DLGAP2: variants seen among roughly 807,000 people sequenced by gnomAD.
DLGAP2 encodes the protein DLG associated protein 2.
In DLGAP2, 26 loss-of-function variants were observed where a neutral mutation model predicts 100.3. The ratio of observed to expected loss-of-function variants is 0.26; its 90% CI spans 0.19 to 0.36. The LOEUF is 0.36. Among genes scored for constraint, DLGAP2 ranks in the 10% least tolerant of loss-of-function variants. DLGAP2 has a pLI of 1.00. For synonymous variants in DLGAP2, 886 were observed against 630.1 expected, an observed-to-expected ratio of 1.41 and a Z score of -6.08; for missense variants, 1,858 against 1,453.2, an observed-to-expected ratio of 1.28 and a Z score of -4.53.
chr8:1,460,285 C>T (rs1269817569), intron 3 of DLGAP2, among the ~76,000 whole-genome samples: 1 of 152,220 alleles, frequency 6.6e-6, no homozygotes, highest in Non-Finnish European at 1.5e-5. Context: ...TATGATCGAA[C>T]TTGTGTCTTA....
intron 1 of DLGAP2, among the ~76,000 whole-genome samples, chr8:759,845 ATAAAT>A (rs1425697216): frequency 2.0e-5 from 3 of 152,132 alleles, no homozygotes; most frequent in African/African-American, 7.2e-5. Flanking sequence ...ACTTTAAACG[ATAAAT>A]TGCACCTTAA....
intron 2 of DLGAP2, among the ~76,000 whole-genome samples, chr8:1,048,436 C>T (rs73180673): frequency 0.079 from 12,061 of 152,020 alleles, 649 homozygotes; most frequent in Middle Eastern, 0.17. Context: ...ACCGGGTGTT[C>T]ACAGGTAGCG....
chr8:1,515,956 C>A (rs1464299562), intron 4 of DLGAP2, among the ~76,000 whole-genome samples: 1 of 151,922 alleles, frequency 6.6e-6, no homozygotes, highest in African/African-American at 2.4e-5. Context: ...AGGGAATGAT[C>A]GAGTGAGTGA....
At chr8:1,193,511 G>A (rs73539297) in intron 2 of DLGAP2, among the ~76,000 whole-genome samples, 6,191 of 152,152 alleles carry the variant, frequency 0.041, 413 homozygotes, top group African/African-American at 0.14. Context: ...AGCACCATGC[G>A]TTCAGGGCTC....
intron 6 of DLGAP2, among the ~76,000 whole-genome samples, chr8:1,592,442 G>C (rs1294892769): frequency 6.6e-6 from 1 of 151,916 alleles, no homozygotes; most frequent in Non-Finnish European, 1.5e-5. Flanking sequence ...TGCTTGGAAA[G>C]GGCTCCCTGA....
At chr8:1,661,259 A>C (rs1489917391) in intron 8 of DLGAP2, among the ~76,000 whole-genome samples, 2 of 152,162 alleles carry the variant, frequency 1.3e-5, no homozygotes, top group South Asian at 2.1e-4. Context: ...GCTGCGCCTC[A>C]TGGTGGTGGG....
chr8:901,135 T>G (rs1416732364), intron 1 of DLGAP2, among the ~76,000 whole-genome samples: 1 of 152,154 alleles, frequency 6.6e-6, no homozygotes. Flanking sequence ...AATTGTTTTT[T>G]AATTAGCTGG....
chr8:1,194,691 C>T (rs1341855073), intron 2 of DLGAP2, among the ~76,000 whole-genome samples: 1 of 152,216 alleles, frequency 6.6e-6, no homozygotes, highest in Non-Finnish European at 1.5e-5. Context: ...CAGGGTCGTC[C>T]CGGAGCTGCT....
intron 2 of DLGAP2, among the ~76,000 whole-genome samples, chr8:990,087 G>C (rs1563131435): frequency 6.6e-6 from 1 of 152,056 alleles, no homozygotes; most frequent in South Asian, 2.1e-4. Context: ...TTTCATGAAA[G>C]GGGTCATCTA....
At chr8:1,417,877 A>G (rs1376434492) in intron 3 of DLGAP2, among the ~76,000 whole-genome samples, 1 of 152,228 alleles carries the variant, frequency 6.6e-6, no homozygotes, top group African/African-American at 2.4e-5. Flanking sequence ...AGTTCACAAC[A>G]CAAAAGTGCA....
In DLGAP2 at chr8:1,109,958, G is replaced by A. The variant is rs1197849170; in HGVS notation, c.74-148893G>A. On this transcript the variant is annotated intron_variant, in intron 2 of 14. Coordinates refer to ENST00000637795, the MANE Select transcript of DLGAP2 (RefSeq NM_001346810.2). ...GGTGTGCATAGGTCTGTGACGTGCT[G>A]GGTCTGTGAGGTGTGTACGGGTCTG... 4.8e-5 allele frequency among the ~76,000 whole-genome samples: 4 copies of A among 83,696 alleles called. No homozygotes were observed. In the East Asian group the frequency reaches 1.8e-3, roughly 37 times the overall value. 54.9% of individuals were successfully genotyped at this position (83,696 alleles called of 152,430 possible).
intron 2 of DLGAP2, among the ~76,000 whole-genome samples, chr8:960,424 G>C (rs1028814654): frequency 4.0e-5 from 6 of 151,530 alleles, no homozygotes; most frequent in Non-Finnish European, 8.8e-5. Context: ...TAGAGACGGA[G>C]TTTCACCACA....
At chr8:1,363,146 A>C (rs993621018) in intron 3 of DLGAP2, among the ~76,000 whole-genome samples, 2 of 152,226 alleles carry the variant, frequency 1.3e-5, no homozygotes, top group Non-Finnish European at 2.9e-5. Flanking sequence ...GGCCACACAA[A>C]ACCATCTGCA....
intron 8 of DLGAP2, among the ~76,000 whole-genome samples, chr8:1,636,654 A>C (rs1046389206): frequency 6.6e-6 from 1 of 152,290 alleles, no homozygotes; most frequent in East Asian, 1.9e-4. Flanking sequence ...TCTTGTCACA[A>C]AGAGTGGATT....
At chr8:1,540,138 G>C (rs1801312174) in intron 4 of DLGAP2, among the ~76,000 whole-genome samples, 1 of 152,152 alleles carries the variant, frequency 6.6e-6, no homozygotes, top group African/African-American at 2.4e-5. Flanking sequence ...CTCCACCCAG[G>C]ACCCTCAGAG....
intron 4 of DLGAP2, among the ~76,000 whole-genome samples, chr8:1,541,955 T>C (rs1036511779): frequency 1.3e-5 from 2 of 152,254 alleles, no homozygotes; most frequent in Non-Finnish European, 2.9e-5. Context: ...TATATGACTG[T>C]CACAGGACCT....
chr8:1,606,789 C>T lies in DLGAP2; in HGVS notation c.1443-19951C>T, dbSNP rs1796814680. Among the ~76,000 whole-genome samples the T allele has an allele frequency of 5.3e-5, 8 of 152,252 alleles. No individual in the cohort carries two copies. The South Asian group carries it at 1.7e-3, about 32-fold the overall frequency. On this transcript the variant is annotated intron_variant, in intron 6 of 14. Transcript: ENST00000637795. ...CCTCCGCCCCCTGAGCTCAAGGAAT[C>T]CTCCCTCCTCAGTGACCCCAAGTAG...
At chr8:1,098,718 C>G (rs1432732864) in intron 2 of DLGAP2, among the ~76,000 whole-genome samples, 1 of 133,132 alleles carries the variant, frequency 7.5e-6, no homozygotes, top group Non-Finnish European at 1.6e-5. Flanking sequence ...TCCCGGCCGC[C>G]CACGGGCGCC....
At position 1,565,846 on chromosome 8, in the gene DLGAP2, A is replaced by G. The variant is rs542762184; in HGVS notation, c.1394A>G (p.Glu465Gly). ...TCACCAAAGTCGGCAATCCTACCAG[A>G]GCCGCTGCTGAAGTCCATCGGACAG... ...KTSPKSAILP[E>G]PLLKSIGQRP... The change falls in exon 6 of 15, where the codon GAG becomes GGG. Residue 465 changes from glutamate (E) to glycine (G), a missense_variant. Physicochemically the swap from Glu to Gly is moderately conservative, Grantham distance 98. Coordinates refer to ENST00000637795, the MANE Select transcript of DLGAP2 (RefSeq NM_001346810.2). 11 of 1,612,934 alleles carry G rather than the reference A, an allele frequency of 6.8e-6. 1 individual carries two copies. The South Asian group carries it at 1.1e-4, about 16-fold the overall frequency.
Sources: allele counts gnomAD v4.1 joint callset (sites outside exome capture counted in the v4.1 genomes callset), GRCh38; gene constraint gnomAD v4.1.1; transcripts MANE v1.5; gene names NCBI Gene and HGNC (gene_info 2026-07-23, HGNC 2026-07-21).